Variants in CHRNB3 observed in about 807,000 individuals in gnomAD.
CHRNB3 encodes cholinergic receptor nicotinic beta 3 subunit.
A neutral mutation model predicts 40.6 loss-of-function variants in CHRNB3; 37 were observed. The ratio of observed to expected loss-of-function variants is 0.91; its 90% CI spans 0.70 to 1.20. The LOEUF (loss-of-function observed/expected upper bound fraction) is 1.20. Among genes scored for constraint, CHRNB3 ranks in the 50% most tolerant of loss-of-function variants. CHRNB3 has a pLI of 0.00. For missense variants in CHRNB3, 505 were observed against 551.2 expected, an observed-to-expected ratio of 0.92 and a Z score of 0.84; for synonymous variants, 207 against 207.1, an observed-to-expected ratio of 1.00 and a Z score of 0.00.
intron 3 of CHRNB3, among the ~76,000 whole-genome samples, chr8:42,724,061 G>A (rs973117415): frequency 2.0e-5 from 3 of 151,852 alleles, no homozygotes; most frequent in Non-Finnish European, 4.4e-5. Context: ...ACTCCAGCCT[G>A]GGCAACAAGA....
intron 3 of CHRNB3, chr8:42,725,957 G>A (rs1051181977): frequency 2.8e-5 from 31 of 1,101,812 alleles, no homozygotes; most frequent in Non-Finnish European, 3.8e-5. Flanking sequence ...CTTTCGATGC[G>A]TACAACAAAG....
intron 2 of CHRNB3, among the ~76,000 whole-genome samples, chr8:42,709,261 G>A (rs1412126440): frequency 6.6e-6 from 1 of 152,110 alleles, no homozygotes; most frequent in African/African-American, 2.4e-5. Context: ...GGCTCTGCAG[G>A]GAGACAGGGT....
intron 5 of CHRNB3, among the ~76,000 whole-genome samples, chr8:42,734,558 TA>T (rs1816487843): frequency 1.3e-5 from 2 of 151,318 alleles, no homozygotes; most frequent in Admixed American, 6.6e-5. Context: ...TAGCTGGGAC[TA>T]CAGGCACCCG....
At chr8:42,718,847 T>G (rs967704588) in intron 3 of CHRNB3, among the ~76,000 whole-genome samples, 15 of 152,042 alleles carry the variant, frequency 9.9e-5, no homozygotes, top group Non-Finnish European at 1.5e-5. Context: ...TTTTAAGGGA[T>G]TATATATATT....
intron 4 of CHRNB3, 62 bp from the exon 5 acceptor site, chr8:42,731,605 A>T: frequency 4.7e-6 from 7 of 1,487,720 alleles, no homozygotes; most frequent in Non-Finnish European, 6.3e-6. Flanking sequence ...CAATGCTGGG[A>T]AAAAGAACAA....
At chr8:42,700,869 A>C (rs187500831) in intron 1 of CHRNB3, among the ~76,000 whole-genome samples, 1 of 152,158 alleles carries the variant, frequency 6.6e-6, no homozygotes, top group African/African-American at 2.4e-5. Flanking sequence ...AATTTTGCTA[A>C]AAGTGGATGT....
chr8:42,729,559 G>T (rs1391609030), intron 3 of CHRNB3, among the ~76,000 whole-genome samples: 1 of 152,034 alleles, frequency 6.6e-6, no homozygotes, highest in Non-Finnish European at 1.5e-5. Context: ...CTGGGGTGTG[G>T]AGTTCCATCA....
rs933655960 is a variant in CHRNB3 at position 42,706,820 on chromosome 8, G to A, written c.53-1897G>A. On this transcript the variant is annotated intron_variant, in intron 1 of 5. Transcript: ENST00000289957. ...CTGTCACCTAGGCTGGAGTGCAGTG[G>A]TGCTACCACCACTCACTGCAGCCTT... Among the ~76,000 whole-genome samples, 4 of 152,190 alleles carry A rather than the reference G, an allele frequency of 2.6e-5. No homozygotes were observed. In the East Asian group the frequency reaches 5.8e-4, roughly 22 times the overall value.
Position 42,730,686 on chromosome 8 carries a change from C to CAT in CHRNB3, c.344_345dup (p.Val116Ter). ...CATCAGAATCTCTGTGGCTTCCTGA[C>CAT]ATAGTTCTCTTTGAAAAGTAAGTAT... On this transcript the variant is annotated frameshift_variant, in exon 4 of 6. Coordinates refer to ENST00000289957, the MANE Select transcript of CHRNB3 (RefSeq NM_000749.5). LOFTEE classifies it high-confidence loss of function. The CAT allele has an allele frequency of 6.3e-7, 1 of 1,594,878 alleles. No individual in the cohort carries two copies. The highest frequency in any genetic ancestry group is 1.1e-5 in the South Asian group (1 of 89,376).
At position 42,732,455 on chromosome 8, in the gene CHRNB3, A is replaced by G. The variant is rs1400277520; in HGVS notation, c.1148A>G (p.Asp383Gly). The G allele has an allele frequency of 1.2e-6, 2 of 1,613,816 alleles. No homozygotes were observed. The highest frequency in any genetic ancestry group is 1.7e-5 in the Admixed American group (1 of 59,906). The change falls in exon 5 of 6, where the codon GAT becomes GGT. Residue 383 changes from aspartate to glycine, a missense_variant. Asp to Gly is a moderately conservative substitution (Grantham distance 94). Coordinates refer to ENST00000289957, the MANE Select transcript of CHRNB3 (RefSeq NM_000749.5). ...AAAAAGAAACAGAAACAGCTTAGTG[A>G]TGGAGAAAAAGTTCTAGTTGCTTTT... ...LEKKKQKQLS[D>G]GEKVLVAFLE...
intron 3 of CHRNB3, among the ~76,000 whole-genome samples, chr8:42,716,566 C>T (rs956614789): frequency 3.3e-5 from 5 of 152,030 alleles, no homozygotes; most frequent in Non-Finnish European, 7.4e-5. Flanking sequence ...TTTATACCCA[C>T]CTTTAATTAT....
chr8:42,699,105 ATTTT>A (rs1815731645), intron 1 of CHRNB3, among the ~76,000 whole-genome samples: 1 of 152,212 alleles, frequency 6.6e-6, no homozygotes, highest in African/African-American at 2.4e-5. Flanking sequence ...ATTTCCTTAC[ATTTT>A]TTAACTTTAC....
intron 3 of CHRNB3, among the ~76,000 whole-genome samples, chr8:42,718,630 G>A (rs946200714): frequency 3.2e-4 from 46 of 142,382 alleles, no homozygotes; most frequent in African/African-American, 9.3e-4. Flanking sequence ...CCGAGATGGC[G>A]CCACTGCGCT....
At chr8:42,736,445 C>T (rs1328863417) in intron 5 of CHRNB3, 39 bp from the exon 6 acceptor site, 2 of 1,610,678 alleles carry the variant, frequency 1.2e-6, no homozygotes, top group Non-Finnish European at 1.7e-6. Flanking sequence ...AACAGTTGCT[C>T]AGTGTCTTGA....
chr8:42,731,876 T>C lies in CHRNB3; in HGVS notation c.569T>C (p.Val190Ala). The C allele has an allele frequency of 1.2e-6, 2 of 1,614,106 alleles. No individual in the cohort carries two copies. Among genetic ancestry groups the C allele is most frequent in the Non-Finnish European group, 1.7e-6 (2 of 1,180,022 alleles). ...GACCTCATTTTGATCAATGAAAATG[T>C]CGACAGAAAAGACTTCTTCGATAAC... ...MVDLILINEN[V>A]DRKDFFDNGE... Residue 190 changes from valine to alanine, a missense_variant, in exon 5 of 6, where the codon GTC becomes GCC. Coordinates refer to ENST00000289957, the MANE Select transcript of CHRNB3 (RefSeq NM_000749.5).
At chr8:42,704,369 C>T (rs961788016) in intron 1 of CHRNB3, 3 of 152,202 alleles carry the variant, frequency 2.0e-5, no homozygotes, top group African/African-American at 7.2e-5. Context: ...CACCTTCTGA[C>T]AGTGGTAACA....
At chr8:42,726,251 C>G (rs913401503) in intron 3 of CHRNB3, 16 of 703,152 alleles carry the variant, frequency 2.3e-5, no homozygotes, top group African/African-American at 5.3e-5. Context: ...GCAGCTACTA[C>G]TACTCAGTAA....
intron 3 of CHRNB3, among the ~76,000 whole-genome samples, chr8:42,714,234 G>A (rs138490750): frequency 0.042 from 6,366 of 152,064 alleles, 216 homozygotes; most frequent in Admixed American, 0.089. Flanking sequence ...GGTGGCTCAC[G>A]CCTGTAATCC....
chr8:42,736,065 C>T (rs1238787080), intron 5 of CHRNB3, among the ~76,000 whole-genome samples: 2 of 152,102 alleles, frequency 1.3e-5, no homozygotes, highest in Admixed American at 1.3e-4. Flanking sequence ...GGAGTTTCAC[C>T]ATGTTGGCCA....
Sources: gnomAD v4.1 joint callset for allele counts (sites outside exome capture counted in the v4.1 genomes callset) on GRCh38, gnomAD v4.1.1 for gene constraint, MANE v1.5 for transcripts, NCBI Gene and HGNC (gene_info 2026-07-23, HGNC 2026-07-21) for gene names.